STIM1: variants seen among roughly 807,000 people sequenced by gnomAD.
STIM1 encodes the protein stromal interaction molecule 1.
Under a neutral mutation model 74.7 loss-of-function variants are expected in STIM1, and 25 were observed. That is an observed-to-expected ratio of 0.33 (90% CI 0.24 to 0.47). STIM1 has a LOEUF of 0.47. Ranked by LOEUF, STIM1 falls within the 20% of genes least tolerant of loss-of-function variation. The probability of loss-of-function intolerance (pLI) is 1.00; values close to 1 mark genes in which losing one functional copy is unlikely to be tolerated. For synonymous variants in STIM1, 328 were observed against 348.8 expected, an observed-to-expected ratio of 0.94 and a Z score of 0.66; for missense variants, 728 against 920.8, an observed-to-expected ratio of 0.79 and a Z score of 2.71.
intron 6 of STIM1, among the ~76,000 whole-genome samples, chr11:4,074,278 T>A (rs1016908103): frequency 2.6e-5 from 4 of 152,262 alleles, no homozygotes; most frequent in African/African-American, 9.6e-5. Context: ...CCTGGCTTCA[T>A]AGCCTTGATT....
chr11:3,999,288 C>T (rs962996984), intron 2 of STIM1, among the ~76,000 whole-genome samples: 5 of 152,328 alleles, frequency 3.3e-5, no homozygotes, highest in East Asian at 3.9e-4. Flanking sequence ...GCCATCTTCA[C>T]GCCACTGCAT....
At chr11:4,086,413 C>T (rs1173094946) in intron 11 of STIM1, 64 bp from the exon 12 acceptor site, 19 of 1,586,380 alleles carry the variant, frequency 1.2e-5, no homozygotes, top group Admixed American at 1.7e-5. Context: ...TTCATGGGCA[C>T]CTCCTTACCT....
At chr11:3,924,993 AAATACCTC>A (rs1296112827) in intron 1 of STIM1, among the ~76,000 whole-genome samples, 2 of 152,200 alleles carry the variant, frequency 1.3e-5, no homozygotes, top group Non-Finnish European at 2.9e-5. Flanking sequence ...ACTTTCTAGA[AAATACCTC>A]ATGCTCCATA....
chr11:4,046,431 G>A (rs1260229080), intron 3 of STIM1, among the ~76,000 whole-genome samples: 1 of 151,938 alleles, frequency 6.6e-6, no homozygotes, highest in East Asian at 1.9e-4. Flanking sequence ...TCCTTCCCCT[G>A]CCACCTTTCC....
chr11:4,018,942 G>A (rs934995473), intron 2 of STIM1: 1 of 152,786 alleles, frequency 6.5e-6, no homozygotes. Context: ...CACTCCTGAA[G>A]GCAAAATGGA....
At chr11:3,943,052 C>T (rs1334248059) in intron 1 of STIM1, among the ~76,000 whole-genome samples, 2 of 152,224 alleles carry the variant, frequency 1.3e-5, no homozygotes, top group African/African-American at 4.8e-5. Context: ...TACCCCAAGG[C>T]AACTCTTCTG....
intron 1 of STIM1, among the ~76,000 whole-genome samples, chr11:3,881,414 A>T (rs1367994406): frequency 1.3e-5 from 2 of 152,150 alleles, no homozygotes; most frequent in Non-Finnish European, 2.9e-5. Context: ...TCTGTTGCCC[A>T]GGCTGGAGTG....
intron 1 of STIM1, among the ~76,000 whole-genome samples, chr11:3,892,245 G>A (rs2091917346): frequency 6.6e-6 from 1 of 152,098 alleles, no homozygotes; most frequent in South Asian, 2.1e-4. Flanking sequence ...AGTCATGGAA[G>A]AAAACAGAGA....
intron 2 of STIM1, among the ~76,000 whole-genome samples, chr11:3,996,422 G>A (rs1179008189): frequency 2.0e-5 from 3 of 152,178 alleles, no homozygotes; most frequent in Admixed American, 6.5e-5. Flanking sequence ...GGGTTTAAAC[G>A]GGACAAAAGA....
At chr11:4,006,723 T>G (rs2093785475) in intron 2 of STIM1, among the ~76,000 whole-genome samples, 1 of 152,178 alleles carries the variant, frequency 6.6e-6, no homozygotes, top group Non-Finnish European at 1.5e-5. Flanking sequence ...CACAGGTATT[T>G]CTTTATAGCA....
chr11:3,985,031 C>T (rs1195510824), intron 2 of STIM1, among the ~76,000 whole-genome samples: 1 of 152,122 alleles, frequency 6.6e-6, no homozygotes, highest in African/African-American at 2.4e-5. Flanking sequence ...AGCTGAGCTA[C>T]GTATCAGTGA....
At chr11:4,090,923 C>G in intron 12 of STIM1, among the ~76,000 whole-genome samples, 1 of 151,872 alleles carries the variant, frequency 6.6e-6, no homozygotes, top group East Asian at 1.9e-4. Flanking sequence ...TTCTTCCCTC[C>G]CTATCACTTT....
At chr11:3,870,869 CTTTTTTTTTTTT>C (rs1178631644) in intron 1 of STIM1, among the ~76,000 whole-genome samples, 4 of 98,124 alleles carry the variant, frequency 4.1e-5, no homozygotes, top group Non-Finnish European at 6.1e-5. Context: ...ATCAGCTACT[CTTTTTTTTTTTT>C]TTTTTTTTTT....
intron 1 of STIM1, among the ~76,000 whole-genome samples, chr11:3,886,209 T>G (rs572562546): frequency 6.6e-6 from 1 of 152,344 alleles, no homozygotes; most frequent in Non-Finnish European, 1.5e-5. Context: ...GAAAATTCAC[T>G]GGGAACCCAA....
chr11:4,019,647 C>T (rs1416566796), intron 2 of STIM1, among the ~76,000 whole-genome samples: 1 of 151,986 alleles, frequency 6.6e-6, no homozygotes, highest in African/African-American at 2.4e-5. Flanking sequence ...ACAAAAAACC[C>T]CACCAACCAA....
At chr11:3,859,159 A>C (rs945451602) in intron 1 of STIM1, among the ~76,000 whole-genome samples, 1 of 152,138 alleles carries the variant, frequency 6.6e-6, no homozygotes, top group Admixed American at 6.5e-5. Flanking sequence ...CTTTTTAGTT[A>C]GTTAAAATAT....
At chr11:4,037,271 G>T (rs1223839857) in intron 3 of STIM1, among the ~76,000 whole-genome samples, 1 of 152,054 alleles carries the variant, frequency 6.6e-6, no homozygotes, top group Non-Finnish European at 1.5e-5. Flanking sequence ...GACTGGTCTC[G>T]AACTCCTGAC....
At chr11:4,065,784 G>A (rs1286247073) in intron 5 of STIM1, among the ~76,000 whole-genome samples, 2 of 152,196 alleles carry the variant, frequency 1.3e-5, no homozygotes, top group Non-Finnish European at 2.9e-5. Flanking sequence ...GGGGGCCCAT[G>A]AGTAGCTCTT....
At chr11:4,009,922 C>G (rs558878668) in intron 2 of STIM1, among the ~76,000 whole-genome samples, 5 of 152,272 alleles carry the variant, frequency 3.3e-5, no homozygotes, top group Admixed American at 1.3e-4. Context: ...AAGTAATCCT[C>G]TCACCTCAGC....
Sources: allele counts gnomAD v4.1 joint callset (sites outside exome capture counted in the v4.1 genomes callset), GRCh38; gene constraint gnomAD v4.1.1; transcripts MANE v1.5; gene names NCBI Gene and HGNC (gene_info 2026-07-23, HGNC 2026-07-21).